Variants in TSHZ1 observed in about 807,000 individuals in gnomAD.
The protein encoded by TSHZ1 is teashirt zinc finger homeobox 1.
Under a neutral mutation model 67.1 loss-of-function variants are expected in TSHZ1, and 12 were observed. The ratio of observed to expected loss-of-function variants is 0.18; its 90% CI spans 0.11 to 0.29. TSHZ1 has a LOEUF of 0.29. TSHZ1 is among the 10% of genes least tolerant of loss of function. TSHZ1 has a pLI of 1.00. For missense variants in TSHZ1, 1,305 were observed against 1,413.9 expected (o/e 0.92, Z 1.23); for synonymous variants, 632 against 622.4 (o/e 1.02, Z -0.23).
intron 1 of TSHZ1, among the ~76,000 whole-genome samples, chr18:75,229,457 G>A (rs1448890451): frequency 6.6e-6 from 1 of 152,232 alleles, no homozygotes; most frequent in Non-Finnish European, 1.5e-5. Context: ...CTGTCTATGT[G>A]ATTGCTCACT....
intron 1 of TSHZ1, among the ~76,000 whole-genome samples, chr18:75,255,218 G>A (rs559416601): frequency 5.3e-5 from 8 of 152,020 alleles, no homozygotes; most frequent in Middle Eastern, 3.2e-3. Flanking sequence ...AGAGGATGAC[G>A]CTCACTGTGT....
At chr18:75,235,056 A>G (rs542790084) in intron 1 of TSHZ1, among the ~76,000 whole-genome samples, 14 of 152,168 alleles carry the variant, frequency 9.2e-5, no homozygotes, top group African/African-American at 3.4e-4. Flanking sequence ...GGTGCTTGTG[A>G]GCCGTCAGCG....
rs1490768989 is a variant in TSHZ1, at chr18:75,287,678, G to A, written c.2271G>A (p.Leu757=). ...SALQSIMNTH[L]GKVSKPVSPS... is the part of the protein sequence containing the mutation. ...TGCAGTCCATCATGAACACCCACCT[G>A]GGCAAGGTGTCCAAGCCCGTGAGTC... Residue 757 remains leucine, a synonymous_variant, in exon 2 of 2, where the codon CTG becomes CTA. Transcript: ENST00000580243. This position sits in a 1 kb window ranked among gnomAD's most constrained non-coding sequence, Gnocchi z 5.0. 6.2e-6 allele frequency: 10 copies of A among 1,614,182 alleles called. No homozygotes were observed. Among genetic ancestry groups the A allele is most frequent in the East Asian group, 4.5e-5 (2 of 44,866 alleles).
In TSHZ1 at chr18:75,289,569, T is replaced by C. The variant is rs2023834020; in HGVS notation, c.*928T>C. On this transcript the variant is annotated 3_prime_UTR_variant, in exon 2 of 2. Transcript: ENST00000580243. ...CATCAGCTTAAAAACTCCTGTATGT[T>C]ACATATCGTACCATTTTAATCTCTT... is the stretch of plus-strand genomic sequence containing the variant. The C allele has an allele frequency of 6.0e-6, 1 of 167,122 alleles. No individual in the cohort carries two copies. The highest frequency in any genetic ancestry group is 1.5e-5 in the Non-Finnish European group (1 of 68,130). 10.4% of individuals were successfully genotyped at this position (167,122 alleles called of 1,614,324 possible). A position where few individuals can be genotyped will look rare whatever the true frequency, so the allele number is the denominator to read the frequency against.
rs1294823052 is a variant in TSHZ1, at chr18:75,287,517, A to C, written c.2110A>C (p.Lys704Gln). 6.2e-7 allele frequency: 1 copy of C among 1,614,236 alleles called. No homozygotes were observed. The highest frequency in any genetic ancestry group is 1.7e-5 in the Admixed American group (1 of 60,034). ...GPEAETGKAK[K>Q]EGPLDVHTPN... Reference sequence around the variant, plus strand: ...TGAGGCCGAGACTGGGAAGGCCAAAAAGGAGGGACCGCTGGACGTTCACAC... The same window carrying C: ...TGAGGCCGAGACTGGGAAGGCCAAACAGGAGGGACCGCTGGACGTTCACAC... Residue 704 changes from lysine (K) to glutamine (Q), a missense_variant, in exon 2 of 2, where the codon AAG (lysine) becomes CAG (glutamine). By Grantham distance (53) the Lys-to-Gln change is moderately conservative (BLOSUM62 1). Coordinates refer to ENST00000580243, the MANE Select transcript of TSHZ1 (RefSeq NM_001308210.2). The surrounding 1 kb of genome is among the most constrained non-coding windows in gnomAD (Gnocchi z 5.0).
At chr18:75,237,718 T>A (rs530447577) in intron 1 of TSHZ1, among the ~76,000 whole-genome samples, 1 of 152,318 alleles carries the variant, frequency 6.6e-6, no homozygotes, top group Admixed American at 6.5e-5. Flanking sequence ...AGAGATGTTT[T>A]TGGAAACAGT....
chr18:75,226,121 T>C (rs756865702), intron 1 of TSHZ1, among the ~76,000 whole-genome samples: 1 of 152,172 alleles, frequency 6.6e-6, no homozygotes, highest in Non-Finnish European at 1.5e-5. Flanking sequence ...AAACATTATA[T>C]CAAATATAAA....
intron 1 of TSHZ1, among the ~76,000 whole-genome samples, chr18:75,277,961 T>C (rs2023635128): frequency 6.6e-6 from 1 of 152,108 alleles, no homozygotes; most frequent in African/African-American, 2.4e-5. Flanking sequence ...ACTGTGTGTA[T>C]GTATCTGAGC....
At chr18:75,262,185 A>T (rs1285840939) in intron 1 of TSHZ1, among the ~76,000 whole-genome samples, 1 of 152,226 alleles carries the variant, frequency 6.6e-6, no homozygotes, top group Non-Finnish European at 1.5e-5. Context: ...CTCAGAAAGC[A>T]TTTATTTTGC....
chr18:75,233,269 C>A lies in TSHZ1; in HGVS notation c.40+21353C>A, dbSNP rs570676808. ...AACATATTTTACATCCCAGTATATT[C>A]TCATGAGTCTTATAAAGTACAAACT... On this transcript the variant is annotated intron_variant, in intron 1 of 1. Transcript: ENST00000580243. 2.6e-5 allele frequency among the ~76,000 whole-genome samples: 4 copies of A among 152,318 alleles called. No homozygotes were observed. In the South Asian group the frequency reaches 8.3e-4, roughly 32 times the overall value.
intron 1 of TSHZ1, among the ~76,000 whole-genome samples, chr18:75,262,673 G>A (rs1568363295): frequency 6.6e-6 from 1 of 152,142 alleles, no homozygotes; most frequent in African/African-American, 2.4e-5. Context: ...ATGGCAGCAG[G>A]GCACTTCTCT....
At chr18:75,279,821 C>T (rs576711659) in intron 1 of TSHZ1, among the ~76,000 whole-genome samples, 6 of 152,234 alleles carry the variant, frequency 3.9e-5, no homozygotes, top group Non-Finnish European at 7.3e-5. Flanking sequence ...CCCCAGTTCT[C>T]GGGATCTGAC....
At chr18:75,236,055 A>T (rs28377360) in intron 1 of TSHZ1, among the ~76,000 whole-genome samples, 3 of 151,850 alleles carry the variant, frequency 2.0e-5, no homozygotes. Context: ...GATAGGAAGC[A>T]TGCGTGACAG....
At chr18:75,229,028 G>T (rs374675405) in intron 1 of TSHZ1, among the ~76,000 whole-genome samples, 28 of 152,384 alleles carry the variant, frequency 1.8e-4, no homozygotes, top group African/African-American at 5.8e-4. Flanking sequence ...CATTTCAGGG[G>T]TTTTGTTGCA....
intron 1 of TSHZ1, chr18:75,245,253 G>GT (rs1191460756): frequency 3.3e-5 from 5 of 152,188 alleles, no homozygotes; most frequent in African/African-American, 1.2e-4. Context: ...GCATGGAGGA[G>GT]TTGAACTCCA....
At chr18:75,227,201 C>G (rs530625640) in intron 1 of TSHZ1, among the ~76,000 whole-genome samples, 14 of 152,206 alleles carry the variant, frequency 9.2e-5, no homozygotes, top group Admixed American at 7.2e-4. Flanking sequence ...CATAGGTCCC[C>G]CACTCCTGCG....
rs141059514 is a variant in TSHZ1, at chr18:75,265,485, C to T, written c.41-19963C>T. On this transcript the variant is annotated intron_variant, in intron 1 of 1. Transcript: ENST00000580243. The stretch of plus-strand genomic sequence containing the variant: ...TGACAGAGAAAGTGTGTTACATGAC[C>T]TTAGGGTTTTCAAAAATTAAATGAC... 3.3e-5 allele frequency among the ~76,000 whole-genome samples: 5 copies of T among 152,304 alleles called. No homozygotes were observed. The East Asian group carries it at 5.8e-4, about 18-fold the overall frequency.
At chr18:75,245,883 A>G (rs747995339) in intron 1 of TSHZ1, among the ~76,000 whole-genome samples, 2 of 152,186 alleles carry the variant, frequency 1.3e-5, no homozygotes, top group Non-Finnish European at 2.9e-5. Flanking sequence ...AACAGAAAAA[A>G]AGTTGTGTTT....
chr18:75,250,952 G>A (rs544822778), intron 1 of TSHZ1, among the ~76,000 whole-genome samples: 1 of 152,322 alleles, frequency 6.6e-6, no homozygotes, highest in Admixed American at 6.5e-5. Context: ...AGCCCCGGGC[G>A]TGTTTGCGGG....
Sources: allele counts gnomAD v4.1 joint callset (sites outside exome capture counted in the v4.1 genomes callset), GRCh38; gene constraint gnomAD v4.1.1; non-coding constraint Gnocchi (gnomAD v3.1); transcripts MANE v1.5; gene names NCBI Gene and HGNC (gene_info 2026-07-23, HGNC 2026-07-21).